HECW1: variants seen among roughly 807,000 people sequenced by gnomAD.
The protein encoded by HECW1 is E3 ubiquitin-protein ligase HECW1.
A neutral mutation model predicts 182.3 loss-of-function variants in HECW1; 61 were observed. The ratio of observed to expected loss-of-function variants is 0.33; its 90% CI spans 0.27 to 0.41. The LOEUF is 0.41. HECW1 is among the 10% of genes least tolerant of loss of function. The pLI is 1.00. For missense variants in HECW1, 1,739 were observed against 2,108.9 expected (o/e 0.82, Z 3.44); for synonymous variants, 859 against 832.6 (o/e 1.03, Z -0.55).
At chr7:43,443,209 C>T (rs779863710) in intron 10 of HECW1, among the ~76,000 whole-genome samples, 4 of 152,142 alleles carry the variant, frequency 2.6e-5, no homozygotes, top group Non-Finnish European at 5.9e-5. Context: ...CTTCTGCAGC[C>T]CCCATACATC....
chr7:43,293,294 G>A (rs1035973276), intron 3 of HECW1, among the ~76,000 whole-genome samples: 6 of 151,346 alleles, frequency 4.0e-5, no homozygotes, highest in South Asian at 2.1e-4. Context: ...GAGCAGACCC[G>A]AGCAGCGGTT....
intron 8 of HECW1, among the ~76,000 whole-genome samples, chr7:43,421,175 G>A (rs1433905063): frequency 6.6e-6 from 1 of 152,216 alleles, no homozygotes; most frequent in African/African-American, 2.4e-5. Flanking sequence ...TAGTGCTGCT[G>A]CTGTATGTTA....
intron 17 of HECW1, among the ~76,000 whole-genome samples, chr7:43,481,974 CAAAAAAAAAA>C (rs767419071): frequency 1.2e-5 from 1 of 81,804 alleles, no homozygotes; most frequent in Non-Finnish European, 2.3e-5. Context: ...GACTCCATCT[CAAAAAAAAAA>C]AAAAAAAAAG....
intron 24 of HECW1, among the ~76,000 whole-genome samples, chr7:43,531,171 G>T (rs1339107932): frequency 6.6e-6 from 1 of 152,108 alleles, no homozygotes; most frequent in Non-Finnish European, 1.5e-5. Flanking sequence ...GCCTTTCCCT[G>T]TCCTCTTAAG....
chr7:43,207,757 C>T lies in HECW1; in HGVS notation c.-31-36118C>T, dbSNP rs189272414. The T allele has an allele frequency of 2.6e-4, 39 of 152,248 alleles. 1 individual carries two copies. Among genetic ancestry groups the T allele is most frequent in the Admixed American group, 2.4e-3 (37 of 15,298 alleles). 9.4% of individuals were successfully genotyped at this position (152,248 alleles called of 1,614,324 possible). On this transcript the variant is annotated intron_variant, in intron 2 of 29. Coordinates refer to ENST00000395891, the MANE Select transcript of HECW1 (RefSeq NM_015052.5). ...AACTTTCTATTCCTGGCTTATTGTA[C>T]TTTAAAAAACATGGAATGCTTCACA... is the stretch of plus-strand genomic sequence containing the variant.
intron 2 of HECW1, among the ~76,000 whole-genome samples, chr7:43,145,761 A>C (rs1788641980): frequency 6.6e-6 from 1 of 152,174 alleles, no homozygotes; most frequent in African/African-American, 2.4e-5. Flanking sequence ...TGAGAAACAG[A>C]GCACTAAATC....
intron 2 of HECW1, among the ~76,000 whole-genome samples, chr7:43,209,092 C>T (rs1285214157): frequency 2.0e-5 from 3 of 152,134 alleles, no homozygotes; most frequent in African/African-American, 4.8e-5. Flanking sequence ...GAGTGGGAGG[C>T]GGGCAGCCTT....
intron 6 of HECW1, among the ~76,000 whole-genome samples, chr7:43,394,686 G>C (rs1419978710): frequency 6.6e-6 from 1 of 152,178 alleles, no homozygotes; most frequent in Non-Finnish European, 1.5e-5. Flanking sequence ...AGTTTCCTGA[G>C]GAAGGAATTC....
intron 3 of HECW1, among the ~76,000 whole-genome samples, chr7:43,261,932 C>G (rs372934180): frequency 2.0e-5 from 3 of 151,758 alleles, no homozygotes; most frequent in African/African-American, 7.3e-5. Context: ...TAAAAAATTA[C>G]AAACCTGGTC....
At chr7:43,358,204 C>T (rs74818441) in intron 5 of HECW1, among the ~76,000 whole-genome samples, 17,298 of 152,190 alleles carry the variant, frequency 0.11, 1,360 homozygotes, top group Non-Finnish European at 0.17. Context: ...AACTCATGCA[C>T]TAGGCAACAC....
intron 3 of HECW1, among the ~76,000 whole-genome samples, chr7:43,268,404 C>T (rs990198028): frequency 1.3e-4 from 20 of 152,212 alleles, no homozygotes; most frequent in African/African-American, 4.1e-4. Flanking sequence ...CCCTGTGAAA[C>T]CTTTAACCCA....
chr7:43,247,812 AAAG>A (rs1215852597), intron 3 of HECW1, among the ~76,000 whole-genome samples: 11 of 139,208 alleles, frequency 7.9e-5, no homozygotes, highest in African/African-American at 2.4e-4. Flanking sequence ...GAAGGAAAGA[AAAG>A]AAAGAGAGAG....
intron 3 of HECW1, chr7:43,274,500 G>C: frequency 3.3e-6 from 2 of 608,008 alleles, no homozygotes; most frequent in South Asian, 1.6e-5. Flanking sequence ...ACTGCATCCA[G>C]ATCATGAAGG....
chr7:43,352,836 G>A (rs1026590880), intron 5 of HECW1, among the ~76,000 whole-genome samples: 12 of 152,280 alleles, frequency 7.9e-5, no homozygotes, highest in Admixed American at 7.8e-4. Context: ...ACAAATTTAA[G>A]TCATTGCTTT....
intron 3 of HECW1, among the ~76,000 whole-genome samples, chr7:43,266,657 T>C (rs1013912356): frequency 2.0e-5 from 3 of 152,210 alleles, no homozygotes; most frequent in Non-Finnish European, 4.4e-5. Context: ...TAAGAACTTC[T>C]ATGCCAGGAA....
intron 24 of HECW1, among the ~76,000 whole-genome samples, chr7:43,537,025 C>T (rs1022357963): frequency 6.6e-6 from 1 of 152,194 alleles, no homozygotes; most frequent in African/African-American, 2.4e-5. Context: ...ACGGTAGAAG[C>T]TGCGTTCAAG....
rs1271735318 is a variant in HECW1 at position 43,565,426 on chromosome 7, TCA to T, written c.*3501_*3502del. 1 of 200,032 alleles carries T rather than the reference TCA, an allele frequency of 5.0e-6. No individual in the cohort carries two copies. The highest frequency in any genetic ancestry group is 6.0e-5 in the Admixed American group (1 of 16,582). The allele number at this position is 200,032 out of a possible 1,614,324, so 12.4% of individuals were successfully genotyped here. A position where few individuals can be genotyped will look rare whatever the true frequency, so the allele number is the denominator to read the frequency against. ...TTTTAATATTACATCCATCATATTT[TCA>T]GTCCATGTGTCAAACCATGTGTCCA... On this transcript the variant is annotated 3_prime_UTR_variant, in exon 30 of 30. Coordinates refer to ENST00000395891, the MANE Select transcript of HECW1 (RefSeq NM_015052.5).
intron 2 of HECW1, among the ~76,000 whole-genome samples, chr7:43,125,880 C>A (rs1363449466): frequency 6.6e-6 from 1 of 151,448 alleles, no homozygotes. Flanking sequence ...TGGTCCTGTC[C>A]CATCCTGGAG....
intron 2 of HECW1, among the ~76,000 whole-genome samples, chr7:43,193,671 C>A (rs985500602): frequency 2.0e-5 from 3 of 152,130 alleles, no homozygotes; most frequent in Non-Finnish European, 4.4e-5. Context: ...CATGAGCCAC[C>A]ACACCCGGCC....
Sources: gnomAD v4.1 joint callset for allele counts (sites outside exome capture counted in the v4.1 genomes callset) on GRCh38, gnomAD v4.1.1 for gene constraint, MANE v1.5 for transcripts, NCBI Gene and HGNC (gene_info 2026-07-23, HGNC 2026-07-21) for gene names.